RBFOX1: variants seen among roughly 807,000 people sequenced by gnomAD.
RBFOX1 encodes the protein RNA binding fox-1 homolog 1.
Under a neutral mutation model 57.7 loss-of-function variants are expected in RBFOX1, and 8 were observed. The ratio of observed to expected loss-of-function variants is 0.14; its 90% CI spans 0.08 to 0.25. RBFOX1 has a LOEUF of 0.25. RBFOX1 is among the 10% of genes least tolerant of loss of function. The probability of loss-of-function intolerance (pLI) is 1.00; values close to 1 mark genes in which losing one functional copy is unlikely to be tolerated. For missense variants in RBFOX1, 611 were observed against 548.5 expected (o/e 1.11, Z -1.14); for synonymous variants, 326 against 222.4 (o/e 1.47, Z -4.15).
intron 2 of RBFOX1, among the ~76,000 whole-genome samples, chr16:6,466,910 A>G (rs990934982): frequency 5.3e-5 from 8 of 152,110 alleles, no homozygotes; most frequent in Admixed American, 3.3e-4. Flanking sequence ...CTCTGTGTCA[A>G]TCTTAATATA....
intron 3 of RBFOX1, among the ~76,000 whole-genome samples, chr16:5,614,467 C>A (rs1596463556): frequency 6.6e-6 from 1 of 152,274 alleles, no homozygotes; most frequent in African/African-American, 2.4e-5. Context: ...ATTACTCAGA[C>A]ATAAATGATT....
intron 3 of RBFOX1, among the ~76,000 whole-genome samples, chr16:5,837,399 A>T (rs985772559): frequency 6.6e-6 from 1 of 151,886 alleles, no homozygotes; most frequent in Non-Finnish European, 1.5e-5. Flanking sequence ...ACATTGTTTA[A>T]TTTTTGTCCC....
chr16:7,680,282 G>T (rs2074398732), intron 14 of RBFOX1, among the ~76,000 whole-genome samples: 1 of 152,178 alleles, frequency 6.6e-6, no homozygotes, highest in Non-Finnish European at 1.5e-5. Flanking sequence ...TGCGGAGGGG[G>T]TGGAAAAGAT....
chr16:7,437,100 G>C (rs1170092478), intron 4 of RBFOX1, among the ~76,000 whole-genome samples: 1 of 152,086 alleles, frequency 6.6e-6, no homozygotes, highest in African/African-American at 2.4e-5. Context: ...CCTGACACCA[G>C]AAAGCCACAG....
intron 1 of RBFOX1, among the ~76,000 whole-genome samples, chr16:6,235,921 T>G (rs1204036850): frequency 6.6e-6 from 1 of 152,008 alleles, no homozygotes; most frequent in Non-Finnish European, 1.5e-5. Flanking sequence ...ACTGCTCGGG[T>G]GATGGGTGCC....
intron 2 of RBFOX1, among the ~76,000 whole-genome samples, chr16:6,393,277 A>T (rs998575020): frequency 6.6e-6 from 1 of 152,202 alleles, no homozygotes; most frequent in Non-Finnish European, 1.5e-5. Flanking sequence ...TAAGAAACTC[A>T]ATCACAACTA....
chr16:7,436,458 G>A (rs1470487411), intron 4 of RBFOX1, among the ~76,000 whole-genome samples: 1 of 152,204 alleles, frequency 6.6e-6, no homozygotes, highest in Non-Finnish European at 1.5e-5. Context: ...TCAGATCACT[G>A]TCAAACACAG....
At chr16:6,925,561 G>C (rs956264342) in intron 3 of RBFOX1, among the ~76,000 whole-genome samples, 1 of 151,788 alleles carries the variant, frequency 6.6e-6, no homozygotes, top group East Asian at 1.9e-4. Context: ...CACTGACATA[G>C]CTCTAGCATT....
chr16:7,572,138 G>C (rs1238660011), intron 5 of RBFOX1, among the ~76,000 whole-genome samples: 1 of 152,022 alleles, frequency 6.6e-6, no homozygotes, highest in Non-Finnish European at 1.5e-5. Context: ...AAACAAAACT[G>C]ATGGTTATTA....
chr16:6,900,365 G>A (rs530554262), intron 3 of RBFOX1, among the ~76,000 whole-genome samples: 1 of 152,156 alleles, frequency 6.6e-6, no homozygotes, highest in Non-Finnish European at 1.5e-5. Flanking sequence ...GGATCCTTCT[G>A]TAACCTCTAT....
intron 4 of RBFOX1, among the ~76,000 whole-genome samples, chr16:7,417,371 TC>T (rs2098489613): frequency 3.4e-5 from 1 of 29,028 alleles, no homozygotes; most frequent in African/African-American, 1.3e-4. Context: ...AGACTCTGTG[TC>T]AAAGAAAAAA....
intron 4 of RBFOX1, among the ~76,000 whole-genome samples, chr16:7,072,972 G>C (rs186668658): frequency 6.6e-6 from 1 of 152,204 alleles, no homozygotes; most frequent in Non-Finnish European, 1.5e-5. Context: ...CTGAGTTCTT[G>C]GCTGAGGAAT....
At chr16:6,751,806 C>G (rs10492837) in intron 3 of RBFOX1, among the ~76,000 whole-genome samples, 2 of 152,070 alleles carry the variant, frequency 1.3e-5, no homozygotes, top group Admixed American at 6.6e-5. Context: ...AACCCACTTG[C>G]TATTATTTTC....
chr16:6,055,873 C>T (rs1351191398), intron 1 of RBFOX1, among the ~76,000 whole-genome samples: 1 of 152,162 alleles, frequency 6.6e-6, no homozygotes, highest in Non-Finnish European at 1.5e-5. Flanking sequence ...CCCATGGTTA[C>T]AGTCACCTTG....
chr16:6,004,851 C>G lies in RBFOX1; in HGVS notation c.351+137516C>G, dbSNP rs184809482. The stretch of plus-strand genomic sequence containing the variant: ...GTCCTTTCTGAGAAACGTATTAGAC[C>G]TTAGGTGGAATCCTGAGCTGCTGGT... On this transcript the variant is annotated intron_variant, in intron 4 of 19. Transcript: ENST00000641259. 8.5e-5 allele frequency among the ~76,000 whole-genome samples: 13 copies of G among 152,170 alleles called. No homozygotes were observed. In the East Asian group the frequency reaches 2.5e-3, roughly 30 times the overall value.
At chr16:7,265,387 TTTTC>T (rs1426522332) in intron 4 of RBFOX1, among the ~76,000 whole-genome samples, 11 of 152,120 alleles carry the variant, frequency 7.2e-5, no homozygotes, top group South Asian at 2.1e-4. Context: ...GGAAGATGTC[TTTTC>T]TTTCTTTTTC....
At chr16:6,017,705 G>C (rs2095004246), upstream of RBFOX1, among the ~76,000 whole-genome samples, 1 of 152,162 alleles carries the variant, frequency 6.6e-6, no homozygotes, top group African/African-American at 2.4e-5. Flanking sequence ...TATAGTTATA[G>C]GCAGAAGTTC....
chr16:5,366,314 T>A, intron 1 of RBFOX1: 1 of 333,520 alleles, frequency 3.0e-6, no homozygotes, highest in African/African-American at 2.3e-5. Context: ...ATGATGAAGA[T>A]GATGATGATG....
chr16:6,125,274 A>G lies in RBFOX1; in HGVS notation c.-127+105282A>G, dbSNP rs543128630. Among the ~76,000 whole-genome samples, 23 of 152,326 alleles carry G rather than the reference A, an allele frequency of 1.5e-4. No homozygotes were observed. In the South Asian group the frequency reaches 4.8e-3, roughly 32 times the overall value. The stretch of plus-strand genomic sequence containing the variant: ...TTCTTATATGAAATTATAAATAATA[A>G]GTCACTAGATGGAGGAGGATAGAGA... On this transcript the variant is annotated intron_variant, in intron 1 of 15. Coordinates refer to ENST00000550418, the MANE Select transcript of RBFOX1 (RefSeq NM_018723.4).
Sources: gnomAD v4.1 joint callset for allele counts (sites outside exome capture counted in the v4.1 genomes callset) on GRCh38, gnomAD v4.1.1 for gene constraint, MANE v1.5 for transcripts, NCBI Gene and HGNC (gene_info 2026-07-23, HGNC 2026-07-21) for gene names.